Variants in ITIH1 observed in about 807,000 individuals in gnomAD.
ITIH1 encodes the protein inter-alpha-trypsin inhibitor heavy chain H1.
ITIH1 carries 94 observed loss-of-function variants against 104.6 expected under a neutral mutation model. The observed-to-expected ratio is 0.90, with a 90% confidence interval of 0.76 to 1.07. The LOEUF (loss-of-function observed/expected upper bound fraction) is 1.07. ITIH1 is among the 50% of genes least tolerant of loss of function. The probability of loss-of-function intolerance (pLI) is 0.00; values close to 1 mark genes in which losing one functional copy is unlikely to be tolerated. For missense variants in ITIH1, 1,193 were observed against 1,181.4 expected (o/e 1.01, Z -0.14); for synonymous variants, 455 against 464.4 (o/e 0.98, Z 0.26).
chr3:52,789,933 C>G, intron 19 of ITIH1, 79 bp downstream of exon 19: 1 of 1,410,810 alleles, frequency 7.1e-7, no homozygotes, highest in Non-Finnish European at 9.9e-7. Context: ...GCAGGGCCCT[C>G]GTCCCTGAGC....
Position 52,784,426 on chromosome 3 carries a change from C to A in ITIH1, c.1356C>A (p.Asn452Lys). ...TGGAGGTCATGTCCATGGAGAACAA[C>A]GGACGGGCCCAGAGAATCTACGAGG... ...NFLEVMSMEN[N>K]GRAQRIYEDH... is the part of the protein sequence containing the mutation. The change falls in exon 11 of 22, where the codon AAC becomes AAA. Residue 452 changes from asparagine to lysine, a missense_variant. Asn to Lys is a moderately conservative substitution (Grantham distance 94, BLOSUM62 0). Transcript: ENST00000273283. 6.2e-7 allele frequency: 1 copy of A among 1,614,154 alleles called. No individual in the cohort carries two copies. Among genetic ancestry groups the A allele is most frequent in the East Asian group, 2.2e-5 (1 of 44,884 alleles).
At chr3:52,786,542 A>G (rs940574561) in intron 13 of ITIH1, 108 bp downstream of exon 13, 1 of 1,098,106 alleles carries the variant, frequency 9.1e-7, no homozygotes, top group Non-Finnish European at 1.3e-6. Context: ...GGTCAGATTT[A>G]CTTTCCTCTT....
Position 52,786,191 on chromosome 3 carries a change from G to A in ITIH1, c.1594-104G>A, listed in dbSNP as rs771727987. 6.3e-5 allele frequency: 73 copies of A among 1,151,708 alleles called. No homozygotes were observed. The African/African-American group carries it at 9.9e-4, about 16-fold the overall frequency. 71.3% of individuals were successfully genotyped at this position (1,151,708 alleles called of 1,614,324 possible). ...CAGGGAAGCAGGTGATGCTGAGGAC[G>A]AAGCTGCAGATACCAGACGAAATGG... On this transcript the variant is annotated intron_variant, in intron 12 of 21. Transcript: ENST00000273283.
chr3:52,779,969 T>C lies in ITIH1; in HGVS notation c.574-300T>C. ...GTGGCTGAGTTGAGGGATGCAGGCA[T>C]GTACACCTTCATTTGGTCAGTATTT... On this transcript the variant is annotated intron_variant, in intron 5 of 21. Transcript: ENST00000273283. The surrounding 1 kb of genome is among the most constrained non-coding windows in gnomAD (Gnocchi z 4.4). 7.2e-7 allele frequency: 1 copy of C among 1,388,346 alleles called. No homozygotes were observed. The highest frequency in any genetic ancestry group is 9.3e-7 in the Non-Finnish European group (1 of 1,072,272). 86.0% of individuals were successfully genotyped at this position (1,388,346 alleles called of 1,614,324 possible).
chr3:52,791,492 C>T (rs764388220), intron 20 of ITIH1, 25 bp from the exon 21 acceptor site: 61 of 1,582,562 alleles, frequency 3.9e-5, no homozygotes, highest in South Asian at 1.1e-4. Flanking sequence ...AGATGGTAAC[C>T]GCTGTCTCCA....
chr3:52,786,285 C>A lies in ITIH1; in HGVS notation c.1594-10C>A, dbSNP rs763523928. 1 of 1,565,564 alleles carries A rather than the reference C, an allele frequency of 6.4e-7. No homozygotes were observed. Among genetic ancestry groups the A allele is most frequent in the East Asian group, 2.3e-5 (1 of 43,004 alleles). ...TGGTGCACCACCCCTCTCTGTACCTCAACTCTCAGGAGGGACAAGAATTCA... is the reference window on the plus strand; with the variant it reads ...TGGTGCACCACCCCTCTCTGTACCTAAACTCTCAGGAGGGACAAGAATTCA... On this transcript the variant is annotated splice_polypyrimidine_tract_variant and intron_variant, in intron 12 of 21. Coordinates refer to ENST00000273283, the MANE Select transcript of ITIH1 (RefSeq NM_002215.4).
In ITIH1 at chr3:52,778,523, C is replaced by T. The variant is rs1229760992; in HGVS notation, c.305+17C>T. On this transcript the variant is annotated intron_variant, in intron 3 of 21. Transcript: ENST00000273283. ...CTTTGCCGTGTGCGTGCCTGCCCAA[C>T]TCCCATGCCTTCTCCCAGGGGTGCC... 6.2e-7 allele frequency: 1 copy of T among 1,613,274 alleles called. No homozygotes were observed. The highest frequency in any genetic ancestry group is 8.5e-7 in the Non-Finnish European group (1 of 1,179,416).
Position 52,787,976 on chromosome 3 carries a change from C to T in ITIH1, c.1925-10C>T, listed in dbSNP as rs778783678. On this transcript the variant is annotated splice_polypyrimidine_tract_variant and intron_variant, in intron 16 of 21. Coordinates refer to ENST00000273283, the MANE Select transcript of ITIH1 (RefSeq NM_002215.4). The stretch of plus-strand genomic sequence containing the variant: ...GCCCCGCTTCTAAATGCCACTCCCC[C>T]TCCCATCAGCGTTCGTGCTGTCAGC... 39 of 1,607,390 alleles carry T rather than the reference C, an allele frequency of 2.4e-5. No individual in the cohort carries two copies. In the African/African-American group the frequency reaches 4.3e-4, roughly 18 times the overall value.
At chr3:52,778,807 C>A in intron 3 of ITIH1, 135 bp from the exon 4 acceptor site, 1 of 1,033,408 alleles carries the variant, frequency 9.7e-7, no homozygotes, top group Non-Finnish European at 1.4e-6. Context: ...GCCCATGGAC[C>A]CCTGAGTTCC....
At position 52,778,365 on chromosome 3, in the gene ITIH1, G is replaced by T; in HGVS notation, c.164G>T (p.Ser55Ile). 6.2e-7 allele frequency: 1 copy of T among 1,614,230 alleles called. No individual in the cohort carries two copies. Among genetic ancestry groups the T allele is most frequent in the Non-Finnish European group, 8.5e-7 (1 of 1,180,044 alleles). ...GCTGTCGATGGCGTGTTCATCCGGAGTTTGAAAGTCAACTGCAAAGTCACC... is the reference window on the plus strand; with the variant it reads ...GCTGTCGATGGCGTGTTCATCCGGATTTTGAAAGTCAACTGCAAAGTCACC... ...DTAVDGVFIR[S>I]LKVNCKVTSR... Residue 55 changes from serine (S) to isoleucine (I), a missense_variant, in exon 3 of 22, where the codon AGT becomes ATT. Ser to Ile is a moderately radical substitution (Grantham distance 142). Transcript: ENST00000273283.
chr3:52,777,834 C>A, intron 1 of ITIH1, 102 bp downstream of exon 1: 2 of 1,336,020 alleles, frequency 1.5e-6, no homozygotes, highest in South Asian at 1.2e-5. Context: ...TCACCCCCAC[C>A]ACCTCCACCA....
At chr3:52,780,013 A>G (rs1578728930) in intron 5 of ITIH1, 1 of 1,371,038 alleles carries the variant, frequency 7.3e-7, no homozygotes, top group East Asian at 2.6e-5. Context: ...CCTACTGAGT[A>G]CCAGGCCCTG....
Position 52,788,033 on chromosome 3 carries a change from A to C in ITIH1, c.1972A>C (p.Asn658His). 6.2e-7 allele frequency: 1 copy of C among 1,612,376 alleles called. No homozygotes were observed. Among genetic ancestry groups the C allele is most frequent in the Non-Finnish European group, 8.5e-7 (1 of 1,179,142 alleles). Residue 658 changes from asparagine (N) to histidine (H), a missense_variant, in exon 17 of 22, where the codon AAT (asparagine) becomes CAT (histidine). Physicochemically the swap from Asn to His is moderately conservative, Grantham distance 68 (BLOSUM62 1). Transcript: ENST00000273283. ...LQPSPTHSSS[N>H]TQRLPDRVTG... ...GCCTTCTCCTACTCATTCCAGCTCC[A>C]ATACCCAGCGGCTGCCAGACCGAGT...
At chr3:52,787,859 G>C in intron 16 of ITIH1, 127 bp from the exon 17 acceptor site, 1 of 1,000,296 alleles carries the variant, frequency 1.0e-6, no homozygotes, top group Non-Finnish European at 1.6e-6. Context: ...ATGTGATGTT[G>C]AGTGGACATC....
rs1007534235 is a variant in ITIH1, at chr3:52,784,276, C to A, written c.1226-20C>A. On this transcript the variant is annotated intron_variant, in intron 10 of 21. Transcript: ENST00000273283. The stretch of plus-strand genomic sequence containing the variant: ...CCTGTGGGCCAGCATCCCGTCACTA[C>A]CCAGGTGTGTGGCTTGCAGGGGTGA... 1.9e-6 allele frequency: 3 copies of A among 1,607,248 alleles called. No homozygotes were observed. The highest frequency in any genetic ancestry group is 2.6e-6 in the Non-Finnish European group (3 of 1,176,472).
chr3:52,787,956 G>A (rs575523983), intron 16 of ITIH1, 30 bp from the exon 17 acceptor site: 9 of 1,593,648 alleles, frequency 5.6e-6, no homozygotes, highest in Admixed American at 3.4e-5. Context: ...TGGCTGCCCC[G>A]CTTCTAAATG....
Position 52,778,838 on chromosome 3 carries a change from C to T in ITIH1, c.306-104C>T, listed in dbSNP as rs527249391. The T allele has an allele frequency of 3.3e-5, 35 of 1,058,568 alleles. No individual in the cohort carries two copies. The African/African-American group carries it at 3.7e-4, about 11-fold the overall frequency. The allele number at this position is 1,058,568 out of a possible 1,614,324, so 65.6% of individuals were successfully genotyped here. ...GTTCCACCATGGGCAGTGGAAGGCT[C>T]GTCAGGAGACGTCCTTATCCAAGGG... On this transcript the variant is annotated intron_variant, in intron 3 of 21. Coordinates refer to ENST00000273283, the MANE Select transcript of ITIH1 (RefSeq NM_002215.4).
chr3:52,791,668 C>T (rs371192594), intron 21 of ITIH1, 40 bp downstream of exon 21: 1 of 1,610,396 alleles, frequency 6.2e-7, no homozygotes, highest in South Asian at 1.1e-5. Context: ...CCCTCGGCCA[C>T]TTTGTAGTTC....
intron 18 of ITIH1, 81 bp downstream of exon 18, chr3:52,788,426 C>A: frequency 3.1e-6 from 3 of 957,802 alleles, no homozygotes; most frequent in South Asian, 1.5e-5. Flanking sequence ...GGACTATGGC[C>A]AAGGCCCTCA....
Sources: allele counts gnomAD v4.1 joint callset, GRCh38; gene constraint gnomAD v4.1.1; non-coding constraint Gnocchi (gnomAD v3.1); transcripts MANE v1.5; gene names NCBI Gene and HGNC (gene_info 2026-07-23, HGNC 2026-07-21).